The following TAOK3 variants were observed in gnomAD, a reference collection of about 807,000 sequenced individuals.
The protein encoded by TAOK3 is serine/threonine-protein kinase TAO3.
Under a neutral mutation model 120.4 loss-of-function variants are expected in TAOK3, and 40 were observed. The observed-to-expected ratio is 0.33, with a 90% CI of 0.26 to 0.43. The LOEUF (loss-of-function observed/expected upper bound fraction) is 0.43. Among genes scored for constraint, TAOK3 ranks in the 20% least tolerant of loss-of-function variants. TAOK3 has a pLI of 1.00. For missense variants in TAOK3, 821 were observed against 1,112.1 expected, an observed-to-expected ratio of 0.74 and a Z score of 3.72; for synonymous variants, 355 against 387.5, an observed-to-expected ratio of 0.92 and a Z score of 0.99.
chr12:118,255,355 A>G (rs2040935496), intron 3 of TAOK3, 93 bp downstream of exon 3: 1 of 1,386,826 alleles, frequency 7.2e-7, no homozygotes, highest in African/African-American at 1.4e-5. Flanking sequence ...GGCCTTGCAA[A>G]GTGCTAGGAT....
intron 5 of TAOK3, among the ~76,000 whole-genome samples, chr12:118,242,458 T>C (rs1410777211): frequency 1.3e-5 from 2 of 152,196 alleles, no homozygotes; most frequent in African/African-American, 2.4e-5. Context: ...GCTAGTTAAA[T>C]TGGAGTTTAA....
intron 1 of TAOK3, among the ~76,000 whole-genome samples, chr12:118,281,706 T>C (rs1001268123): frequency 6.6e-6 from 1 of 150,920 alleles, no homozygotes; most frequent in African/African-American, 2.4e-5. Flanking sequence ...GAGCCAAGAT[T>C]GCACCATTGT....
intron 5 of TAOK3, among the ~76,000 whole-genome samples, chr12:118,241,697 G>C (rs765684304): frequency 1.2e-4 from 19 of 152,150 alleles, no homozygotes; most frequent in Non-Finnish European, 2.6e-4. Flanking sequence ...TTATTCTTGT[G>C]CCTGTTTGTA....
chr12:118,324,734 CTTTTTTT>C (rs35462737), intron 1 of TAOK3, among the ~76,000 whole-genome samples: 21 of 69,642 alleles, frequency 3.0e-4, no homozygotes, highest in South Asian at 5.0e-4. Flanking sequence ...GAATTTCATT[CTTTTTTT>C]TTTTTTTTTT....
At chr12:118,192,321 C>T (rs946247675) in intron 13 of TAOK3, among the ~76,000 whole-genome samples, 1 of 151,982 alleles carries the variant, frequency 6.6e-6, no homozygotes, top group African/African-American at 2.4e-5. Flanking sequence ...TTTTATAGTC[C>T]AAAGAATAGG....
intron 1 of TAOK3, among the ~76,000 whole-genome samples, chr12:118,366,919 A>G (rs2045755714): frequency 6.6e-6 from 1 of 152,148 alleles, no homozygotes; most frequent in South Asian, 2.1e-4. Context: ...GTGAAACCCC[A>G]TCTCTACTAA....
intron 1 of TAOK3, among the ~76,000 whole-genome samples, chr12:118,333,733 C>T (rs1391553865): frequency 6.6e-6 from 1 of 151,406 alleles, no homozygotes; most frequent in Non-Finnish European, 1.5e-5. Flanking sequence ...TGTAAACCTG[C>T]AGCAAGACTG....
Position 118,265,923 on chromosome 12 carries a change from T to C in TAOK3, c.-89+732A>G, listed in dbSNP as rs1400788166. Among the ~76,000 whole-genome samples the C allele has an allele frequency of 2.6e-5, 4 of 152,334 alleles. No homozygotes were observed. In the East Asian group the frequency reaches 7.7e-4, roughly 29 times the overall value. Reference sequence around the variant, plus strand: ...TTTTTTATTTCCTTCTTTTTGTTTCTGTGTATTTTCTAAAATCATATTTTG... The same window carrying C: ...TTTTTTATTTCCTTCTTTTTGTTTCCGTGTATTTTCTAAAATCATATTTTG... On this transcript the variant is annotated intron_variant, in intron 2 of 20. Coordinates refer to ENST00000392533, the MANE Select transcript of TAOK3 (RefSeq NM_016281.4).
intron 1 of TAOK3, among the ~76,000 whole-genome samples, chr12:118,360,126 G>A (rs2045542344): frequency 6.6e-6 from 1 of 151,830 alleles, no homozygotes; most frequent in South Asian, 2.1e-4. Context: ...ATGGCTGGGC[G>A]TGGTGGCAGG....
At chr12:118,312,038 C>G (rs527977142) in intron 1 of TAOK3, among the ~76,000 whole-genome samples, 2 of 152,110 alleles carry the variant, frequency 1.3e-5, no homozygotes, top group African/African-American at 4.8e-5. Context: ...AGCAAAACAA[C>G]AGCACCTTGA....
At chr12:118,288,915 CAAAA>C (rs34740967) in intron 1 of TAOK3, among the ~76,000 whole-genome samples, 2 of 94,206 alleles carry the variant, frequency 2.1e-5, no homozygotes, top group African/African-American at 4.1e-5. Context: ...GACTCTATCT[CAAAA>C]AAAAAAAAAA....
chr12:118,363,018 C>CAAAAAAAAAAAAAAA (rs60475060), intron 1 of TAOK3, among the ~76,000 whole-genome samples: 116 of 45,882 alleles, frequency 2.5e-3, no homozygotes, highest in Non-Finnish European at 3.4e-3. Context: ...GACTCCGTAT[C>CAAAAAAAAAAAAAAA]AAAAAAAAAA....
At chr12:118,167,371 C>T (rs2035668450) in intron 17 of TAOK3, among the ~76,000 whole-genome samples, 1 of 151,786 alleles carries the variant, frequency 6.6e-6, no homozygotes, top group East Asian at 1.9e-4. Flanking sequence ...CCCAGGAATT[C>T]CACTTCCGAA....
At chr12:118,246,855 G>A (rs1018686250) in intron 3 of TAOK3, 15 of 1,293,274 alleles carry the variant, frequency 1.2e-5, no homozygotes, top group Non-Finnish European at 1.7e-5. Flanking sequence ...CCTCTGGAAG[G>A]AGACTGTATT....
At chr12:118,167,917 A>G (rs1306569331) in intron 17 of TAOK3, among the ~76,000 whole-genome samples, 2 of 152,158 alleles carry the variant, frequency 1.3e-5, no homozygotes, top group Non-Finnish European at 2.9e-5. Flanking sequence ...GTGGCTCTTC[A>G]TGTTTTCCCG....
At chr12:118,217,204 A>G (rs2038950526) in intron 9 of TAOK3, among the ~76,000 whole-genome samples, 1 of 152,196 alleles carries the variant, frequency 6.6e-6, no homozygotes, top group Non-Finnish European at 1.5e-5. Flanking sequence ...TCACTCACAG[A>G]AGGAAAAATT....
At chr12:118,214,793 T>C (rs1291859045) in intron 9 of TAOK3, among the ~76,000 whole-genome samples, 3 of 150,356 alleles carry the variant, frequency 2.0e-5, no homozygotes, top group Non-Finnish European at 4.4e-5. Flanking sequence ...TTGCCCAGGC[T>C]GGAGTGCAAT....
chr12:118,150,948 T>C lies in TAOK3; in HGVS notation c.*49A>G. On this transcript the variant is annotated 3_prime_UTR_variant, in exon 21 of 21. Transcript: ENST00000392533. ...TGGTTTTGCAGGGTCTGAATTTTTT[T>C]CTGTTTTCTTTTTTTTTTTTTTTTT... The C allele has an allele frequency of 6.6e-7, 1 of 1,519,028 alleles. No individual in the cohort carries two copies. Among genetic ancestry groups the C allele is most frequent in the Non-Finnish European group, 8.8e-7 (1 of 1,131,562 alleles). The allele number at this position is 1,519,028 out of a possible 1,614,324, so 94.1% of individuals were successfully genotyped here. A position where few individuals can be genotyped will look rare whatever the true frequency, so the allele number is the denominator to read the frequency against.
Position 118,269,519 on chromosome 12 carries a change from C to T in TAOK3, c.-193-2760G>A, listed in dbSNP as rs575222801. Among the ~76,000 whole-genome samples, 128 of 151,368 alleles carry T rather than the reference C, an allele frequency of 8.5e-4. 2 individuals are homozygous for T. Among genetic ancestry groups the T allele is most frequent in the Admixed American group, 5.1e-3 (78 of 15,146 alleles). ...CCAAGTAGCTGGGATTACAGGCGTG[C>T]ACCACCACGCCTGGCTAATTTTGTA... is the stretch of plus-strand genomic sequence containing the variant. On this transcript the variant is annotated intron_variant, in intron 1 of 20. Coordinates refer to ENST00000392533, the MANE Select transcript of TAOK3 (RefSeq NM_016281.4).
Sources: gnomAD v4.1 joint callset for allele counts (sites outside exome capture counted in the v4.1 genomes callset) on GRCh38, gnomAD v4.1.1 for gene constraint, MANE v1.5 for transcripts, NCBI Gene and HGNC (gene_info 2026-07-23, HGNC 2026-07-21) for gene names.